CD96: variants seen among roughly 807,000 people sequenced by gnomAD.
The protein encoded by CD96 is T-cell surface protein tactile.
CD96 carries 70 observed loss-of-function variants against 71.3 expected under a neutral mutation model. That is an observed-to-expected ratio of 0.98 (90% CI 0.81 to 1.20). The LOEUF (loss-of-function observed/expected upper bound fraction) is 1.20. Ranked by LOEUF, CD96 falls within the 50% of genes most tolerant of loss-of-function variation. The pLI, the probability that CD96 is intolerant of heterozygous loss-of-function variation, is 0.00. For synonymous variants in CD96, 248 were observed against 233.0 expected (o/e 1.06, Z -0.59); for missense variants, 742 against 677.5 (o/e 1.10, Z -1.06).
downstream of CD96, among the ~76,000 whole-genome samples, chr3:111,655,701 G>T (rs1940212541): frequency 6.6e-6 from 1 of 151,942 alleles, no homozygotes; most frequent in South Asian, 2.1e-4. Context: ...AGGAGAAAAA[G>T]GATAGGAATA....
intron 14 of CD96, among the ~76,000 whole-genome samples, chr3:111,658,847 C>A (rs906786320): frequency 2.0e-5 from 3 of 152,156 alleles, no homozygotes; most frequent in Non-Finnish European, 4.4e-5. Flanking sequence ...GCCTGAAGTT[C>A]TCTTTTTTCA....
intron 2 of CD96, among the ~76,000 whole-genome samples, chr3:111,561,458 A>G (rs1399265419): frequency 4.0e-4 from 55 of 138,818 alleles, no homozygotes; most frequent in East Asian, 8.6e-4. Flanking sequence ...GTCTGTTGGA[A>G]TACCCTGCCT....
chr3:111,545,019 C>T, intron 1 of CD96, 27 bp from the exon 2 acceptor site: 1 of 1,570,074 alleles, frequency 6.4e-7, no homozygotes, highest in Non-Finnish European at 8.8e-7. Flanking sequence ...ATTATTTAAA[C>T]TCATGGCTCA....
rs1936662804 is a variant in CD96, at chr3:111,585,373, G to A, written c.802G>A (p.Val268Ile). The part of the protein sequence containing the change: ...IVENNSTDVL[V>I]ERRFTCLLKN... ...GGAAAATAACTCCACGGATGTCTTG[G>A]TAGAGGTGAGTCACATAAAAGCCTT... The change falls in exon 5 of 14, where the codon GTA becomes ATA. Residue 268 changes from valine to isoleucine, a missense_variant. Physicochemically the swap from Val to Ile is conservative, Grantham distance 29 (BLOSUM62 3). Transcript: ENST00000352690. 1 of 1,599,204 alleles carries A rather than the reference G, an allele frequency of 6.3e-7. No homozygotes were observed. Among genetic ancestry groups the A allele is most frequent in the African/African-American group, 1.3e-5 (1 of 74,580 alleles).
chr3:111,567,218 A>G (rs1935757934), intron 2 of CD96, among the ~76,000 whole-genome samples: 1 of 152,222 alleles, frequency 6.6e-6, no homozygotes, highest in South Asian at 2.1e-4. Flanking sequence ...GATCAAGGAA[A>G]TGGAACCTGA....
Position 111,556,853 on chromosome 3 carries a change from C to T in CD96, c.419-10670C>T, listed in dbSNP as rs1442140837. 2.7e-5 allele frequency among the ~76,000 whole-genome samples: 4 copies of T among 150,650 alleles called. No individual in the cohort carries two copies. In the South Asian group the frequency reaches 6.3e-4, roughly 24 times the overall value. The stretch of plus-strand genomic sequence containing the variant: ...AAAAGTGTTCCTGTTTCTCCACATC[C>T]TCTCCAGCACCTGTTGTTTCCTGAC... On this transcript the variant is annotated intron_variant, in intron 2 of 13. Coordinates refer to ENST00000352690, the MANE Select transcript of CD96 (RefSeq NM_005816.5).
At chr3:111,552,617 A>G (rs1053236038) in intron 2 of CD96, among the ~76,000 whole-genome samples, 1 of 152,186 alleles carries the variant, frequency 6.6e-6, no homozygotes, top group Non-Finnish European at 1.5e-5. Flanking sequence ...AAAGCATCAC[A>G]GAGAATATGT....
chr3:111,662,021 C>T (rs768931293), intron 14 of CD96, among the ~76,000 whole-genome samples: 5 of 152,236 alleles, frequency 3.3e-5, no homozygotes, highest in Admixed American at 6.5e-5. Flanking sequence ...CAGGCATTTT[C>T]GTACATTCTT....
chr3:111,608,355 G>A (rs1937732456), intron 8 of CD96, among the ~76,000 whole-genome samples: 1 of 152,170 alleles, frequency 6.6e-6, no homozygotes, highest in South Asian at 2.1e-4. Context: ...TTATCTACTA[G>A]AAGTAAGTCA....
At chr3:111,655,334 T>G (rs73230157), downstream of CD96, among the ~76,000 whole-genome samples, 3,869 of 152,310 alleles carry the variant, frequency 0.025, 67 homozygotes, top group Non-Finnish European at 0.04. Flanking sequence ...ATGAAATTGA[T>G]ATTAAAAAAA....
chr3:111,563,718 A>G (rs1935566849), intron 2 of CD96, among the ~76,000 whole-genome samples: 1 of 152,192 alleles, frequency 6.6e-6, no homozygotes, highest in Non-Finnish European at 1.5e-5. Flanking sequence ...CTTTATTTAA[A>G]AACATATATT....
At chr3:111,544,903 A>G in intron 1 of CD96, 143 bp from the exon 2 acceptor site, 1 of 739,496 alleles carries the variant, frequency 1.4e-6, no homozygotes, top group South Asian at 1.5e-5. Context: ...TGAGTGAGAC[A>G]CAAGCTCTAC....
At chr3:111,592,324 C>G (rs1282614181) in intron 5 of CD96, among the ~76,000 whole-genome samples, 4 of 152,190 alleles carry the variant, frequency 2.6e-5, no homozygotes. Flanking sequence ...CAAAGCATCT[C>G]TGAACATTTA....
chr3:111,593,871 C>G, intron 5 of CD96: 1 of 1,613,810 alleles, frequency 6.2e-7, no homozygotes, highest in Non-Finnish European at 8.5e-7. Context: ...CCACTCTTCT[C>G]CAGCTCCTCT....
At chr3:111,563,418 G>T (rs2107534971) in intron 2 of CD96, among the ~76,000 whole-genome samples, 1 of 152,334 alleles carries the variant, frequency 6.6e-6, no homozygotes, top group South Asian at 2.1e-4. Context: ...GCTCCATGTG[G>T]CTAAAACTAC....
intron 8 of CD96, among the ~76,000 whole-genome samples, chr3:111,610,031 C>T (rs1193409782): frequency 7.2e-5 from 11 of 152,120 alleles, no homozygotes. Context: ...GTCAATAGTG[C>T]CAAGGCCAAG....
At chr3:111,561,370 T>C (rs1420398539) in intron 2 of CD96, among the ~76,000 whole-genome samples, 2 of 147,692 alleles carry the variant, frequency 1.4e-5, no homozygotes, top group Non-Finnish European at 3.0e-5. Flanking sequence ...ATGATGGTGA[T>C]GTACAGATGG....
At chr3:111,563,218 G>C (rs551390558) in intron 2 of CD96, among the ~76,000 whole-genome samples, 1 of 152,344 alleles carries the variant, frequency 6.6e-6, no homozygotes, top group African/African-American at 2.4e-5. Context: ...ATGCATTTCA[G>C]AGGGGAGAAG....
chr3:111,602,430 T>C (rs921150338), intron 7 of CD96, among the ~76,000 whole-genome samples: 1 of 152,134 alleles, frequency 6.6e-6, no homozygotes, highest in Non-Finnish European at 1.5e-5. Flanking sequence ...AATTTGGGGC[T>C]CTGAACAGGT....
Sources: gnomAD v4.1 joint callset for allele counts (sites outside exome capture counted in the v4.1 genomes callset) on GRCh38, gnomAD v4.1.1 for gene constraint, MANE v1.5 for transcripts, NCBI Gene and HGNC (gene_info 2026-07-23, HGNC 2026-07-21) for gene names.